The following LRP1B variants were observed in gnomAD, a reference collection of about 807,000 sequenced individuals.
The protein encoded by LRP1B is LDL receptor related protein 1B.
In LRP1B, 217 loss-of-function variants were observed where a neutral mutation model predicts 556.6. The ratio of observed to expected loss-of-function variants is 0.39; its 90% CI spans 0.35 to 0.44. The LOEUF (loss-of-function observed/expected upper bound fraction) is 0.44, where lower values mean the gene tolerates loss of function less well. Among genes scored for constraint, LRP1B ranks in the 20% least tolerant of loss-of-function variants. The pLI is 1.00. For synonymous variants in LRP1B, 2,047 were observed against 1,865.8 expected, an observed-to-expected ratio of 1.10 and a Z score of -2.50; for missense variants, 5,053 against 5,620.8, an observed-to-expected ratio of 0.90 and a Z score of 3.23.
chr2:141,624,348 C>T (rs531502033), intron 2 of LRP1B, among the ~76,000 whole-genome samples: 4 of 152,046 alleles, frequency 2.6e-5, no homozygotes, highest in South Asian at 4.2e-4. Flanking sequence ...GAGAATGATG[C>T]CCAGAGAGGT....
intron 7 of LRP1B, among the ~76,000 whole-genome samples, chr2:141,161,325 A>G (rs1415115342): frequency 6.6e-6 from 1 of 152,136 alleles, no homozygotes; most frequent in African/African-American, 2.4e-5. Flanking sequence ...AAGACATGAC[A>G]CACAAACAAA....
intron 1 of LRP1B, among the ~76,000 whole-genome samples, chr2:141,957,625 T>C (rs887716583): frequency 6.6e-6 from 1 of 152,012 alleles, no homozygotes. Flanking sequence ...TGGCTCTCTG[T>C]GGACATCAAA....
intron 1 of LRP1B, among the ~76,000 whole-genome samples, chr2:141,970,469 T>C (rs1014960602): frequency 3.3e-5 from 5 of 151,530 alleles, no homozygotes; most frequent in African/African-American, 1.2e-4. Flanking sequence ...TAAAGCTATA[T>C]GGTAATTCTG....
intron 2 of LRP1B, among the ~76,000 whole-genome samples, chr2:141,708,730 T>C (rs542575555): frequency 2.0e-5 from 3 of 152,038 alleles, no homozygotes; most frequent in African/African-American, 4.8e-5. Flanking sequence ...TTTAAAGAGG[T>C]GACCAAATTC....
intron 2 of LRP1B, among the ~76,000 whole-genome samples, chr2:141,527,173 T>A (rs905523947): frequency 2.6e-5 from 4 of 152,074 alleles, no homozygotes; most frequent in African/African-American, 9.7e-5. Context: ...ATTGCTTTTT[T>A]CCAGGACAAG....
chr2:140,278,626 A>G lies in LRP1B; in HGVS notation c.12968-4028T>C, dbSNP rs1682788445. Among the ~76,000 whole-genome samples the G allele has an allele frequency of 3.9e-5, 6 of 152,118 alleles. 1 individual carries two copies. The South Asian group carries it at 1.2e-3, about 32-fold the overall frequency. ...TCATGGCATAAAAATGGAATCCAAG[A>G]CTGTAAAAGAAAGGTTTGCTTATGA... On this transcript the variant is annotated intron_variant, in intron 84 of 90. Coordinates refer to ENST00000389484, the MANE Select transcript of LRP1B (RefSeq NM_018557.3).
intron 52 of LRP1B, 94 bp downstream of exon 52, chr2:140,509,834 A>T (rs2104915911): frequency 6.6e-7 from 1 of 1,506,202 alleles, no homozygotes; most frequent in Non-Finnish European, 8.9e-7. Context: ...TAGGAAAGCA[A>T]TGGGAAATGT....
intron 21 of LRP1B, among the ~76,000 whole-genome samples, chr2:140,909,065 T>C (rs182432103): frequency 4.0e-4 from 61 of 152,346 alleles, no homozygotes; most frequent in East Asian, 3.1e-3. Flanking sequence ...CCCAAAGTAC[T>C]GGGATTACAG....
intron 2 of LRP1B, among the ~76,000 whole-genome samples, chr2:141,506,078 A>T (rs1360129935): frequency 1.3e-5 from 2 of 152,084 alleles, no homozygotes; most frequent in Non-Finnish European, 2.9e-5. Context: ...TAGACAAACG[A>T]GAGGAGAAAA....
chr2:140,523,872 C>A (rs1690299547), intron 49 of LRP1B, among the ~76,000 whole-genome samples: 1 of 151,800 alleles, frequency 6.6e-6, no homozygotes, highest in Non-Finnish European at 1.5e-5. Context: ...AAAAATACTG[C>A]AAGAAATCCT....
At chr2:140,993,023 T>G (rs1352126131) in intron 16 of LRP1B, among the ~76,000 whole-genome samples, 1 of 152,070 alleles carries the variant, frequency 6.6e-6, no homozygotes, top group African/African-American at 2.4e-5. Flanking sequence ...CTTGAGATTT[T>G]TGTCCTGAAG....
At chr2:140,903,667 A>G (rs1293180588) in intron 22 of LRP1B, among the ~76,000 whole-genome samples, 1 of 152,002 alleles carries the variant, frequency 6.6e-6, no homozygotes, top group Non-Finnish European at 1.5e-5. Flanking sequence ...TCCATTTTGG[A>G]GTTAAAATGC....
intron 1 of LRP1B, among the ~76,000 whole-genome samples, chr2:142,021,630 C>T (rs1215878850): frequency 6.6e-6 from 1 of 152,042 alleles, no homozygotes; most frequent in Admixed American, 6.6e-5. Flanking sequence ...GGTGTTAACC[C>T]TAATCAGAGT....
intron 3 of LRP1B, among the ~76,000 whole-genome samples, chr2:141,442,305 C>T (rs1681006864): frequency 6.6e-6 from 1 of 151,822 alleles, no homozygotes; most frequent in African/African-American, 2.4e-5. Context: ...ATATATCTTA[C>T]TTTTTACAAA....
intron 1 of LRP1B, among the ~76,000 whole-genome samples, chr2:141,850,588 T>C: frequency 6.7e-6 from 1 of 149,450 alleles, no homozygotes; most frequent in East Asian, 2.0e-4. Flanking sequence ...TGTATGTATA[T>C]ATATATATAT....
chr2:141,001,043 T>TA lies in LRP1B; in HGVS notation c.2503+4291dup, dbSNP rs540824588. ...TAATTATGATCCACATAACCGAAAT[T>TA]AAAAAACCAAGTAGAAAATTTTAAC... On this transcript the variant is annotated intron_variant, in intron 15 of 90. Transcript: ENST00000389484. Among the ~76,000 whole-genome samples, 242 of 152,102 alleles carry TA rather than the reference T, an allele frequency of 1.6e-3. 1 individual carries two copies. The highest frequency in any genetic ancestry group is 5.4e-3 in the African/African-American group (223 of 41,528).
chr2:141,945,537 A>ATG lies in LRP1B; in HGVS notation c.83-135138_83-135137dup, dbSNP rs896318595. 1.0e-4 allele frequency among the ~76,000 whole-genome samples: 14 copies of ATG among 135,830 alleles called. No individual in the cohort carries two copies. The East Asian group carries it at 1.8e-3, about 17-fold the overall frequency. The allele number at this position is 135,830 out of a possible 152,430, so 89.1% of individuals were successfully genotyped here. On this transcript the variant is annotated intron_variant, in intron 1 of 90. Coordinates refer to ENST00000389484, the MANE Select transcript of LRP1B (RefSeq NM_018557.3). ...GTTTATATTGTATATGTATGTATAT[A>ATG]TGTATATATATATATATATCTCCAC...
intron 87 of LRP1B, among the ~76,000 whole-genome samples, chr2:140,246,523 G>T (rs1681171478): frequency 2.7e-5 from 1 of 37,002 alleles, no homozygotes; most frequent in Non-Finnish European, 1.3e-4. Context: ...GACTATGGCT[G>T]CACAAAAAAA....
At chr2:141,753,130 C>A (rs564004472) in intron 2 of LRP1B, among the ~76,000 whole-genome samples, 1 of 146,660 alleles carries the variant, frequency 6.8e-6, no homozygotes, top group Non-Finnish European at 1.5e-5. Context: ...TGCCTGTAAT[C>A]CCAGCTACTC....
Sources: gnomAD v4.1 joint callset for allele counts (sites outside exome capture counted in the v4.1 genomes callset) on GRCh38, gnomAD v4.1.1 for gene constraint, MANE v1.5 for transcripts, NCBI Gene and HGNC (gene_info 2026-07-23, HGNC 2026-07-21) for gene names.